Variants in CPXM2 observed in about 807,000 individuals in gnomAD.
CPXM2 encodes the protein inactive carboxypeptidase-like protein X2.
A neutral mutation model predicts 86.1 loss-of-function variants in CPXM2; 66 were observed. That is an observed-to-expected ratio of 0.77 (90% CI 0.63 to 0.94). The LOEUF is 0.94. Ranked by LOEUF, CPXM2 falls within the 40% of genes least tolerant of loss-of-function variation. The pLI is 0.00. For missense variants in CPXM2, 948 were observed against 1,026.3 expected, an observed-to-expected ratio of 0.92 and a Z score of 1.04; for synonymous variants, 388 against 400.2, an observed-to-expected ratio of 0.97 and a Z score of 0.36.
intron 2 of CPXM2, among the ~76,000 whole-genome samples, chr10:123,932,224 C>A (rs111911540): frequency 7.9e-5 from 12 of 152,176 alleles, no homozygotes; most frequent in Non-Finnish European, 1.3e-4. Flanking sequence ...CAGGCACCAT[C>A]TTCTGTGTGT....
intron 2 of CPXM2, among the ~76,000 whole-genome samples, chr10:123,923,907 G>A (rs983627903): frequency 2.6e-5 from 4 of 152,178 alleles, no homozygotes; most frequent in South Asian, 4.1e-4. Context: ...CCCCAGCCAC[G>A]TGGAACTGTG....
intron 2 of CPXM2, among the ~76,000 whole-genome samples, chr10:123,869,684 C>T (rs565943918): frequency 3.3e-5 from 5 of 152,278 alleles, no homozygotes; most frequent in African/African-American, 1.2e-4. Flanking sequence ...ACCCCACGCA[C>T]GTACTGCCTT....
At chr10:123,763,770 A>T (rs1280836681) in intron 10 of CPXM2, among the ~76,000 whole-genome samples, 1 of 152,116 alleles carries the variant, frequency 6.6e-6, no homozygotes, top group African/African-American at 2.4e-5. Flanking sequence ...GCTATAACGA[A>T]CAGTGTTGCT....
upstream of CPXM2, among the ~76,000 whole-genome samples, chr10:123,892,965 A>G (rs1319077917): frequency 6.6e-6 from 1 of 152,168 alleles, no homozygotes; most frequent in Non-Finnish European, 1.5e-5. Flanking sequence ...CCTTCCTGCC[A>G]CATCTTTCCG....
At chr10:123,869,779 A>C (rs72827479) in intron 2 of CPXM2, among the ~76,000 whole-genome samples, 32,734 of 152,034 alleles carry the variant, frequency 0.22, 3,717 homozygotes, top group Middle Eastern at 0.36. Flanking sequence ...ATTAGTCCTC[A>C]TCATCATCAT....
chr10:123,891,227 G>C lies in CPXM2; in HGVS notation c.304+129C>G. The C allele has an allele frequency of 1.3e-6, 1 of 770,528 alleles. No individual in the cohort carries two copies. 47.7% of individuals were successfully genotyped at this position (770,528 alleles called of 1,614,324 possible). A position where few individuals can be genotyped will look rare whatever the true frequency, so the allele number is the denominator to read the frequency against. ...CGCAGATACAGTCCCTAGGGAGGCAGAGGCGGCAACAGGGAGATTCCCGGG... is the reference window on the plus strand; with the variant it reads ...CGCAGATACAGTCCCTAGGGAGGCACAGGCGGCAACAGGGAGATTCCCGGG... On this transcript the variant is annotated intron_variant, in intron 1 of 13. Coordinates refer to ENST00000241305, the MANE Select transcript of CPXM2 (RefSeq NM_198148.3). This position sits in a 1 kb window ranked among gnomAD's most constrained non-coding sequence, Gnocchi z 5.6.
chr10:123,924,075 A>T (rs1313927931), intron 2 of CPXM2, among the ~76,000 whole-genome samples: 6 of 152,206 alleles, frequency 3.9e-5, no homozygotes, highest in Non-Finnish European at 8.8e-5. Context: ...TAAAAAGGGA[A>T]AAACACTCTT....
intron 3 of CPXM2, among the ~76,000 whole-genome samples, chr10:123,844,440 T>A (rs1434490231): frequency 3.3e-5 from 5 of 150,562 alleles, no homozygotes; most frequent in Admixed American, 3.3e-4. Flanking sequence ...ATTATATGCA[T>A]TTTTTTTTAC....
intron 6 of CPXM2, among the ~76,000 whole-genome samples, chr10:123,786,889 T>C (rs533346429): frequency 6.6e-6 from 1 of 152,150 alleles, no homozygotes; most frequent in Non-Finnish European, 1.5e-5. Flanking sequence ...CACTAAAGTC[T>C]CCCAAGGATG....
At chr10:123,796,803 A>C (rs1473341212) in intron 6 of CPXM2, among the ~76,000 whole-genome samples, 3 of 152,212 alleles carry the variant, frequency 2.0e-5, no homozygotes, top group African/African-American at 7.2e-5. Flanking sequence ...CAGGAGTGGG[A>C]AGGCCTCACT....
intron 2 of CPXM2, among the ~76,000 whole-genome samples, chr10:123,870,573 G>A (rs1944878143): frequency 6.6e-6 from 1 of 152,204 alleles, no homozygotes; most frequent in South Asian, 2.1e-4. Flanking sequence ...CTGAAAATCT[G>A]TCTGCAGTAG....
intron 3 of CPXM2, among the ~76,000 whole-genome samples, chr10:123,862,308 C>T (rs1170843637): frequency 1.3e-5 from 2 of 152,222 alleles, no homozygotes; most frequent in Non-Finnish European, 2.9e-5. Flanking sequence ...AGGCATTCCA[C>T]CTTCTCCTCC....
intron 2 of CPXM2, chr10:123,931,453 T>C (rs1945665738): frequency 6.6e-6 from 1 of 152,252 alleles, no homozygotes; most frequent in Admixed American, 6.5e-5. Context: ...CCTTTCACTG[T>C]AATAAACTAT....
chr10:123,944,008 G>C (rs570069424), upstream of CPXM2, among the ~76,000 whole-genome samples: 12 of 152,306 alleles, frequency 7.9e-5, no homozygotes, highest in South Asian at 2.5e-3. Flanking sequence ...CTTCCAGCCA[G>C]GATCATCCTG....
chr10:123,872,936 A>G (rs1336494165), intron 2 of CPXM2, among the ~76,000 whole-genome samples: 1 of 152,168 alleles, frequency 6.6e-6, no homozygotes, highest in Non-Finnish European at 1.5e-5. Context: ...AGAAAAAAAA[A>G]ACATGCTGAA....
chr10:123,781,781 T>A (rs1451956754), intron 6 of CPXM2, among the ~76,000 whole-genome samples: 4 of 152,176 alleles, frequency 2.6e-5, no homozygotes, highest in Non-Finnish European at 5.9e-5. Context: ...CCCAGCTGGC[T>A]CTGCAGACAT....
At chr10:123,789,222 G>A (rs1214206088) in intron 6 of CPXM2, among the ~76,000 whole-genome samples, 2 of 152,234 alleles carry the variant, frequency 1.3e-5, no homozygotes, top group Admixed American at 6.5e-5. Context: ...CCCAGGCACA[G>A]CCTCACCTGA....
intron 2 of CPXM2, among the ~76,000 whole-genome samples, chr10:123,897,588 T>C (rs998946710): frequency 6.6e-6 from 1 of 151,764 alleles, no homozygotes; most frequent in Non-Finnish European, 1.5e-5. Flanking sequence ...CACACTGGGG[T>C]GGTCATGGGT....
At chr10:123,896,474 AT>A (rs1564817008), upstream of CPXM2, among the ~76,000 whole-genome samples, 1 of 152,172 alleles carries the variant, frequency 6.6e-6, no homozygotes, top group Non-Finnish European at 1.5e-5. Flanking sequence ...GATGTCCTCA[AT>A]CTCATTACTA....
Sources: allele counts gnomAD v4.1 joint callset (sites outside exome capture counted in the v4.1 genomes callset), GRCh38; gene constraint gnomAD v4.1.1; non-coding constraint Gnocchi (gnomAD v3.1); transcripts MANE v1.5; gene names NCBI Gene and HGNC (gene_info 2026-07-23, HGNC 2026-07-21).